MBD2: variants seen among roughly 807,000 people sequenced by gnomAD.
MBD2 encodes the protein methyl-CpG binding domain protein 2.
In MBD2, 9 loss-of-function variants were observed where a neutral mutation model predicts 39.3. The ratio of observed to expected loss-of-function variants is 0.23; its 90% CI spans 0.14 to 0.40. The LOEUF (loss-of-function observed/expected upper bound fraction) is 0.40. Among genes scored for constraint, MBD2 ranks in the 10% least tolerant of loss-of-function variants. The probability of loss-of-function intolerance (pLI) is 1.00; values close to 1 mark genes in which losing one functional copy is unlikely to be tolerated. For synonymous variants in MBD2, 233 were observed against 211.1 expected (o/e 1.10, Z -0.90); for missense variants, 458 against 532.6 (o/e 0.86, Z 1.38).
Position 54,180,897 on chromosome 18 carries a change from CTTTTTCTTTTTT to C in MBD2, c.840+7965_840+7976del, listed in dbSNP as rs1430297430. On this transcript the variant is annotated intron_variant, in intron 3 of 6. Coordinates refer to ENST00000256429, the MANE Select transcript of MBD2 (RefSeq NM_003927.5). Reference sequence around the variant, plus strand: ...CAGCCTATGTATTCCTTAATTTTTTCTTTTTCTTTTTTTTTTTTTTTTTTTTTTTGAGACAGG... The same window carrying C: ...CAGCCTATGTATTCCTTAATTTTTTCTTTTTTTTTTTTTTTTTGAGACAGG... Among the ~76,000 whole-genome samples, 103 of 105,344 alleles carry C rather than the reference CTTTTTCTTTTTT, an allele frequency of 9.8e-4. 3 individuals carry two copies. Among genetic ancestry groups the C allele is most frequent in the Middle Eastern group, 5.7e-3 (1 of 174 alleles). The allele number at this position is 105,344 out of a possible 152,430, so 69.1% of individuals were successfully genotyped here.
At chr18:54,201,037 G>A (rs890174483) in intron 2 of MBD2, among the ~76,000 whole-genome samples, 6 of 149,926 alleles carry the variant, frequency 4.0e-5, no homozygotes, top group South Asian at 2.1e-4. Context: ...CCAAGATCAC[G>A]CCACTGCACT....
intron 3 of MBD2, among the ~76,000 whole-genome samples, chr18:54,173,028 T>C (rs1441712927): frequency 6.6e-6 from 1 of 152,216 alleles, no homozygotes; most frequent in Non-Finnish European, 1.5e-5. Context: ...GGTCATTTTA[T>C]TAAAATTAGG....
intron 1 of MBD2, among the ~76,000 whole-genome samples, chr18:54,211,414 C>T (rs2086505963): frequency 6.7e-6 from 1 of 149,708 alleles, no homozygotes; most frequent in Non-Finnish European, 1.5e-5. Context: ...CACACACACA[C>T]GCACACACGC....
intron 3 of MBD2, among the ~76,000 whole-genome samples, chr18:54,178,288 C>T (rs2086226608): frequency 1.3e-5 from 2 of 151,744 alleles, no homozygotes; most frequent in South Asian, 4.2e-4. Flanking sequence ...AAACCCAGAC[C>T]ACAGAACAAA....
intron 1 of MBD2, among the ~76,000 whole-genome samples, chr18:54,210,016 T>C (rs2086489240): frequency 1.3e-5 from 2 of 152,170 alleles, no homozygotes; most frequent in African/African-American, 4.8e-5. Context: ...GTGAAGGATA[T>C]TAGTCATTTT....
chr18:54,215,586 C>A (rs1156641486), intron 1 of MBD2, among the ~76,000 whole-genome samples: 1 of 151,044 alleles, frequency 6.6e-6, no homozygotes, highest in African/African-American at 2.4e-5. Context: ...GTCTCCAACT[C>A]CCTGGTTCAA....
chr18:54,191,055 G>T (rs754022631), intron 2 of MBD2, among the ~76,000 whole-genome samples: 6 of 152,128 alleles, frequency 3.9e-5, no homozygotes, highest in Admixed American at 1.3e-4. Flanking sequence ...ATATATTTTT[G>T]ATATTTACAG....
intron 2 of MBD2, among the ~76,000 whole-genome samples, chr18:54,192,280 T>C (rs1457890295): frequency 6.6e-6 from 1 of 152,232 alleles, no homozygotes; most frequent in African/African-American, 2.4e-5. Context: ...ATCACCAGGC[T>C]GGAGTGCAGT....
At chr18:54,159,593 AT>A (rs752964220) in intron 6 of MBD2, among the ~76,000 whole-genome samples, 171 bp downstream of exon 6, 1 of 151,982 alleles carries the variant, frequency 6.6e-6, no homozygotes, top group East Asian at 1.9e-4. Context: ...AATTTTTTGT[AT>A]TTTGGGTAGA....
At chr18:54,190,486 G>A (rs906078009) in intron 2 of MBD2, among the ~76,000 whole-genome samples, 2 of 152,174 alleles carry the variant, frequency 1.3e-5, no homozygotes, top group Non-Finnish European at 2.9e-5. Context: ...TGAGTTGCTG[G>A]GAGAGGCTCT....
intron 1 of MBD2, among the ~76,000 whole-genome samples, chr18:54,210,266 G>A (rs1036672327): frequency 6.6e-6 from 1 of 151,718 alleles, no homozygotes; most frequent in African/African-American, 2.4e-5. Context: ...GTTCACATAG[G>A]AACATTTCAT....
intron 3 of MBD2, among the ~76,000 whole-genome samples, chr18:54,166,740 C>G (rs527711226): frequency 1.3e-5 from 2 of 152,206 alleles, no homozygotes; most frequent in Admixed American, 6.5e-5. Flanking sequence ...TGACTCTTTC[C>G]CTGCTGCACA....
intron 1 of MBD2, among the ~76,000 whole-genome samples, chr18:54,218,395 C>A (rs570150871): frequency 2.6e-5 from 4 of 152,272 alleles, no homozygotes; most frequent in African/African-American, 9.6e-5. Context: ...CTTCAGGATA[C>A]AAGTGTAATA....
At chr18:54,197,053 G>A (rs2086372213) in intron 2 of MBD2, among the ~76,000 whole-genome samples, 1 of 152,136 alleles carries the variant, frequency 6.6e-6, no homozygotes, top group South Asian at 2.1e-4. Context: ...AAATATTTCT[G>A]TATACGAGAA....
chr18:54,193,629 T>C (rs2086340765), intron 2 of MBD2, among the ~76,000 whole-genome samples: 1 of 152,004 alleles, frequency 6.6e-6, no homozygotes, highest in Non-Finnish European at 1.5e-5. Flanking sequence ...TACACAAAAA[T>C]TAATTTTTAA....
chr18:54,175,947 TTTC>T (rs1469777126), intron 3 of MBD2, among the ~76,000 whole-genome samples: 5 of 152,228 alleles, frequency 3.3e-5, no homozygotes, highest in African/African-American at 9.6e-5. Context: ...ACTACAAGCA[TTTC>T]TTTTCTTTTT....
intron 2 of MBD2, among the ~76,000 whole-genome samples, chr18:54,201,280 C>G (rs1312578719): frequency 1.3e-5 from 2 of 152,132 alleles, no homozygotes; most frequent in African/African-American, 4.8e-5. Flanking sequence ...AAATCTTTCT[C>G]TAGTCTTTTT....
chr18:54,166,289 C>G (rs1367167790), intron 3 of MBD2, 123 bp from the exon 4 acceptor site: 2 of 649,580 alleles, frequency 3.1e-6, no homozygotes, highest in African/African-American at 3.7e-5. Flanking sequence ...TCATTTTTTC[C>G]TTATAAAAAG....
intron 1 of MBD2, among the ~76,000 whole-genome samples, chr18:54,211,407 A>ACACACACACG (rs1258228065): frequency 1.3e-5 from 2 of 151,040 alleles, no homozygotes; most frequent in East Asian, 1.9e-4. Context: ...ACACACACAC[A>ACACACACACG]CACACACGCA....
Sources: allele counts gnomAD v4.1 joint callset (sites outside exome capture counted in the v4.1 genomes callset), GRCh38; gene constraint gnomAD v4.1.1; transcripts MANE v1.5; gene names NCBI Gene and HGNC (gene_info 2026-07-23, HGNC 2026-07-21).